Variants in DGKG observed in about 807,000 individuals in gnomAD.
The protein encoded by DGKG is diacylglycerol kinase gamma, also known as DAG kinase gamma.
Under a neutral mutation model 105.3 loss-of-function variants are expected in DGKG, and 78 were observed. The observed-to-expected ratio is 0.74, with a 90% CI of 0.62 to 0.89. The LOEUF is 0.89. DGKG is among the 40% of genes least tolerant of loss of function. The probability of loss-of-function intolerance (pLI) is 0.00; values close to 1 mark genes in which losing one functional copy is unlikely to be tolerated. For missense variants in DGKG, 958 were observed against 1,020.1 expected (o/e 0.94, Z 0.83); for synonymous variants, 346 against 367.1 (o/e 0.94, Z 0.66).
chr3:186,153,638 T>C (rs553165798), intron 24 of DGKG, among the ~76,000 whole-genome samples: 7 of 152,378 alleles, frequency 4.6e-5, no homozygotes, highest in South Asian at 2.1e-4. Context: ...GTGCTGGGGA[T>C]TGACTTTGTT....
chr3:186,206,194 C>T (rs1718724516), intron 21 of DGKG, among the ~76,000 whole-genome samples: 1 of 151,994 alleles, frequency 6.6e-6, no homozygotes, highest in South Asian at 2.1e-4. Flanking sequence ...GACCATCCTG[C>T]CCTACGTGGT....
chr3:186,267,483 C>T (rs1722110028), intron 13 of DGKG: 1 of 536,732 alleles, frequency 1.9e-6, no homozygotes, highest in Non-Finnish European at 3.4e-6. Flanking sequence ...CAACAAACTC[C>T]CGCAAGACGT....
At chr3:186,179,960 G>T (rs2108493550) in intron 22 of DGKG, among the ~76,000 whole-genome samples, 1 of 152,314 alleles carries the variant, frequency 6.6e-6, no homozygotes, top group African/African-American at 2.4e-5. Context: ...ATGTGCCCCT[G>T]ACTGGGTGCA....
At chr3:186,314,580 C>A (rs902277020) in intron 2 of DGKG, among the ~76,000 whole-genome samples, 1 of 151,920 alleles carries the variant, frequency 6.6e-6, no homozygotes, top group Admixed American at 6.6e-5. Context: ...CATGGTGAAA[C>A]CTTGTCTCTA....
At chr3:186,315,881 T>C (rs940500128) in intron 2 of DGKG, among the ~76,000 whole-genome samples, 29 of 152,154 alleles carry the variant, frequency 1.9e-4, no homozygotes, top group African/African-American at 7.0e-4. Flanking sequence ...CACTGACCAG[T>C]GGAATGTGGA....
intron 18 of DGKG, 61 bp downstream of exon 18, chr3:186,253,032 G>C: frequency 6.9e-7 from 1 of 1,440,898 alleles, no homozygotes; most frequent in Non-Finnish European, 9.8e-7. Context: ...TAGCTCTGTA[G>C]AGCATCTCTG....
chr3:186,217,640 G>A (rs992484604), intron 20 of DGKG, among the ~76,000 whole-genome samples: 1 of 152,136 alleles, frequency 6.6e-6, no homozygotes, highest in Admixed American at 6.5e-5. Context: ...AGCAATTTAG[G>A]GCTGAAATCC....
intron 20 of DGKG, among the ~76,000 whole-genome samples, chr3:186,215,214 C>T (rs1012782330): frequency 2.6e-5 from 4 of 152,052 alleles, no homozygotes; most frequent in Non-Finnish European, 4.4e-5. Context: ...AGTTCGAGAC[C>T]CGCCTGGCCA....
chr3:186,243,548 A>G (rs1441921492), intron 19 of DGKG, among the ~76,000 whole-genome samples: 1 of 152,142 alleles, frequency 6.6e-6, no homozygotes, highest in Non-Finnish European at 1.5e-5. Flanking sequence ...GCCAACCCTA[A>G]GCCTCAAACC....
chr3:186,221,115 G>C (rs1353282310), intron 20 of DGKG, among the ~76,000 whole-genome samples: 4 of 152,162 alleles, frequency 2.6e-5, no homozygotes, highest in African/African-American at 9.7e-5. Context: ...CTGCCCCTCT[G>C]AGGCCAGAGA....
At chr3:186,320,269 A>G (rs1725016462) in intron 2 of DGKG, 124 bp downstream of exon 2, 2 of 1,134,058 alleles carry the variant, frequency 1.8e-6, no homozygotes, top group Admixed American at 2.6e-5. Context: ...ATAAGGAAAT[A>G]TAAGCCGTCA....
intron 4 of DGKG, 64 bp downstream of exon 4, chr3:186,298,000 T>G: frequency 2.6e-6 from 4 of 1,536,920 alleles, no homozygotes; most frequent in Non-Finnish European, 3.5e-6. Context: ...GAATGCAGTC[T>G]GTGGCTGTGG....
intron 21 of DGKG, among the ~76,000 whole-genome samples, chr3:186,189,505 A>G (rs1283174443): frequency 1.3e-5 from 2 of 152,248 alleles, no homozygotes; most frequent in East Asian, 1.9e-4. Context: ...AATAAATAAC[A>G]GAGCAGGGAT....
At position 186,320,483 on chromosome 3, in the gene DGKG, A is replaced by G. The variant is rs1034751067; in HGVS notation, c.-24T>C. ...ATTTTTAAACTTTATGTGAGTGGCT[A>G]AAGGGCAGTGATGGAGTTTTGTTCA... On this transcript the variant is annotated 5_prime_UTR_variant, in exon 2 of 25. Coordinates refer to ENST00000265022, the MANE Select transcript of DGKG (RefSeq NM_001346.3). The G allele has an allele frequency of 1.9e-6, 3 of 1,614,040 alleles. No individual in the cohort carries two copies. In the African/African-American group the frequency reaches 4.0e-5, roughly 22 times the overall value.
At chr3:186,184,872 C>T (rs116476398) in intron 22 of DGKG, among the ~76,000 whole-genome samples, 2,116 of 152,174 alleles carry the variant, frequency 0.014, 50 homozygotes, top group African/African-American at 0.049. Context: ...AGCTCTCTGC[C>T]TCCTCAGCCA....
chr3:186,199,940 G>A (rs1718368268), intron 21 of DGKG, among the ~76,000 whole-genome samples: 1 of 152,212 alleles, frequency 6.6e-6, no homozygotes, highest in African/African-American at 2.4e-5. Flanking sequence ...TGAGATGCAA[G>A]TGACGAGATC....
At chr3:186,249,049 G>C (rs1380206121) in intron 19 of DGKG, among the ~76,000 whole-genome samples, 1 of 152,196 alleles carries the variant, frequency 6.6e-6, no homozygotes, top group Admixed American at 6.5e-5. Flanking sequence ...TAATTTGCAG[G>C]AGCTGAAGGC....
chr3:186,273,023 G>T (rs1025737189), intron 10 of DGKG, among the ~76,000 whole-genome samples: 8 of 152,146 alleles, frequency 5.3e-5, no homozygotes, highest in African/African-American at 1.4e-4. Flanking sequence ...CCTGGCCAAG[G>T]TCAGGGCTTT....
At chr3:186,332,379 A>G (rs1430558138) in intron 1 of DGKG, among the ~76,000 whole-genome samples, 2 of 152,288 alleles carry the variant, frequency 1.3e-5, no homozygotes, top group African/African-American at 4.8e-5. Context: ...TTAACAGTGG[A>G]AATTTAAGGA....
Sources: gnomAD v4.1 joint callset for allele counts (sites outside exome capture counted in the v4.1 genomes callset) on GRCh38, gnomAD v4.1.1 for gene constraint, MANE v1.5 for transcripts, NCBI Gene and HGNC (gene_info 2026-07-23, HGNC 2026-07-21) for gene names.